Variants in IL1RAPL1 observed in about 807,000 individuals in gnomAD.
IL1RAPL1 encodes interleukin 1 receptor accessory protein like 1.
Under a neutral mutation model 48.4 loss-of-function variants are expected in IL1RAPL1, and 3 were observed. The observed-to-expected ratio is 0.06, with a 90% CI of 0.03 to 0.16. The LOEUF (loss-of-function observed/expected upper bound fraction) is 0.16. IL1RAPL1 is among the 10% of genes least tolerant of loss of function. IL1RAPL1 has a pLI of 1.00. For missense variants in IL1RAPL1, 349 were observed against 530.6 expected, an observed-to-expected ratio of 0.66 and a Z score of 3.36; for synonymous variants, 185 against 187.7, an observed-to-expected ratio of 0.99 and a Z score of 0.12.
At chrX:29,647,545 AT>A (rs938417160) in intron 5 of IL1RAPL1, among the ~76,000 whole-genome samples, 1 of 111,053 alleles carries the variant, frequency 9.0e-6, no homozygotes, top group African/African-American at 3.3e-5. Context: ...AAAGTGAACA[AT>A]TTTTTTGTGT....
rs764336254 is a variant in IL1RAPL1 at position 29,591,989 on chromosome X, G to C, written c.704-76441G>C. 8.0e-5 allele frequency among the ~76,000 whole-genome samples: 9 copies of C among 111,848 alleles called. No homozygotes were observed. In the South Asian group the frequency reaches 3.4e-3, roughly 42 times the overall value. On this transcript the variant is annotated intron_variant, in intron 5 of 10. Coordinates refer to ENST00000378993, the MANE Select transcript of IL1RAPL1 (RefSeq NM_014271.4). ...GTCTATGAAAGGCTGGCAGGCAGCA[G>C]AGTGTGGCCCTAGAGGATCTGATGA...
chrX:28,945,331 C>T (rs1924270093), intron 2 of IL1RAPL1, among the ~76,000 whole-genome samples: 1 of 111,125 alleles, frequency 9.0e-6, no homozygotes, highest in African/African-American at 3.3e-5. Context: ...TTTACAATAG[C>T]AAAGACATGG....
At chrX:29,775,803 G>T in intron 6 of IL1RAPL1, among the ~76,000 whole-genome samples, 1 of 111,293 alleles carries the variant, frequency 9.0e-6, no homozygotes, top group Non-Finnish European at 1.9e-5. Context: ...AGGAGTTTGT[G>T]TTGTATTTTA....
At chrX:28,807,925 G>A (rs748244289) in intron 2 of IL1RAPL1, among the ~76,000 whole-genome samples, 4 of 110,704 alleles carry the variant, frequency 3.6e-5, no homozygotes, top group Non-Finnish European at 7.6e-5. Context: ...CAAATGGAAG[G>A]TAGAAGAGGA....
intron 2 of IL1RAPL1, among the ~76,000 whole-genome samples, chrX:29,064,534 T>C (rs1187378923): frequency 9.1e-6 from 1 of 109,447 alleles, no homozygotes; most frequent in Non-Finnish European, 1.9e-5. Flanking sequence ...AGAGAACAAG[T>C]AGATTTTTTT....
intron 2 of IL1RAPL1, among the ~76,000 whole-genome samples, chrX:28,848,302 C>T (rs1921564191): frequency 9.0e-6 from 1 of 111,119 alleles, no homozygotes; most frequent in Non-Finnish European, 1.9e-5. Flanking sequence ...GCACGTTCTG[C>T]ACATGTATCC....
At chrX:28,845,432 T>C (rs906324644) in intron 2 of IL1RAPL1, among the ~76,000 whole-genome samples, 1 of 111,877 alleles carries the variant, frequency 8.9e-6, no homozygotes, top group African/African-American at 3.2e-5. Context: ...CCTTATATGA[T>C]TTAAAATAAT....
At chrX:28,910,107 C>T (rs953340988) in intron 2 of IL1RAPL1, among the ~76,000 whole-genome samples, 14 of 111,516 alleles carry the variant, frequency 1.3e-4, no homozygotes, top group African/African-American at 4.5e-4. Flanking sequence ...TTCGTGAAGT[C>T]TGAGAATGTG....
intron 6 of IL1RAPL1, among the ~76,000 whole-genome samples, chrX:29,877,292 T>G (rs143956879): frequency 0.028 from 3,092 of 111,257 alleles, 124 homozygotes; most frequent in African/African-American, 0.095. Flanking sequence ...ACCTGCCTTT[T>G]AAAATTGGGG....
intron 6 of IL1RAPL1, among the ~76,000 whole-genome samples, chrX:29,692,345 C>T (rs999476537): frequency 9.0e-6 from 1 of 111,014 alleles, no homozygotes; most frequent in Non-Finnish European, 1.9e-5. Flanking sequence ...CATTTCCTGC[C>T]TTCTCATTCT....
At chrX:29,882,877 C>G (rs1429205805) in intron 6 of IL1RAPL1, among the ~76,000 whole-genome samples, 2 of 111,817 alleles carry the variant, frequency 1.8e-5, no homozygotes, top group Non-Finnish European at 3.8e-5. Flanking sequence ...TTACTATATC[C>G]TAAAGGAAAC....
At chrX:29,413,314 A>G (rs1212413253) in intron 5 of IL1RAPL1, among the ~76,000 whole-genome samples, 5 of 111,805 alleles carry the variant, frequency 4.5e-5, no homozygotes, top group African/African-American at 1.3e-4. Flanking sequence ...AGACTAATAC[A>G]CGTGGTTTGT....
intron 5 of IL1RAPL1, among the ~76,000 whole-genome samples, chrX:29,579,628 A>G (rs1351131774): frequency 1.8e-5 from 2 of 112,254 alleles, no homozygotes; most frequent in Non-Finnish European, 3.8e-5. Context: ...CAAATGACCA[A>G]TTCGATTTTT....
intron 2 of IL1RAPL1, among the ~76,000 whole-genome samples, chrX:28,933,670 GT>G (rs1923943110): frequency 9.0e-6 from 1 of 111,412 alleles, no homozygotes; most frequent in Non-Finnish European, 1.9e-5. Context: ...GTGAACACCA[GT>G]TTATTAGGAA....
At chrX:29,076,773 T>G (rs1221066804) in intron 2 of IL1RAPL1, among the ~76,000 whole-genome samples, 1 of 68,126 alleles carries the variant, frequency 1.5e-5, no homozygotes, top group Admixed American at 1.8e-4. Flanking sequence ...AAGACAGATC[T>G]ATCTATCTGT....
At chrX:29,889,293 CTGACA>C (rs1932227958) in intron 6 of IL1RAPL1, among the ~76,000 whole-genome samples, 1 of 111,723 alleles carries the variant, frequency 9.0e-6, no homozygotes, top group African/African-American at 3.2e-5. Flanking sequence ...AGTTTAATAT[CTGACA>C]CAAACTTTCA....
intron 6 of IL1RAPL1, among the ~76,000 whole-genome samples, chrX:29,671,428 ATAAAATATG>A (rs1432766999): frequency 1.8e-5 from 2 of 112,399 alleles, no homozygotes; most frequent in Non-Finnish European, 3.8e-5. Flanking sequence ...CTAAATTCAT[ATAAAATATG>A]TAAATTGTCG....
intron 5 of IL1RAPL1, among the ~76,000 whole-genome samples, chrX:29,664,374 G>A (rs189600736): frequency 0.14 from 13,829 of 100,486 alleles, 1,278 homozygotes; most frequent in African/African-American, 0.31. Flanking sequence ...ACTGCACTCC[G>A]GCCTGGGCAA....
chrX:28,891,119 GAA>G (rs1922759557), intron 2 of IL1RAPL1, among the ~76,000 whole-genome samples: 2 of 111,832 alleles, frequency 1.8e-5, no homozygotes, highest in African/African-American at 6.5e-5. Context: ...ATAAAGGAGA[GAA>G]AGTAGAATAG....
Sources: allele counts gnomAD v4.1 joint callset (sites outside exome capture counted in the v4.1 genomes callset), GRCh38; gene constraint gnomAD v4.1.1; transcripts MANE v1.5; gene names NCBI Gene and HGNC (gene_info 2026-07-23, HGNC 2026-07-21).